The following TNFSF4 variants were observed in gnomAD, a reference collection of about 807,000 sequenced individuals.
TNFSF4 encodes tumor necrosis factor ligand superfamily member 4.
Under a neutral mutation model 7.3 loss-of-function variants are expected in TNFSF4, and 4 were observed. That is an observed-to-expected ratio of 0.55 (90% confidence interval 0.27 to 1.25). The LOEUF (loss-of-function observed/expected upper bound fraction) is 1.25. TNFSF4 is among the 50% of genes most tolerant of loss of function. The pLI is 0.12. For synonymous variants in TNFSF4, 76 were observed against 83.7 expected (o/e 0.91, Z 0.50); for missense variants, 181 against 208.8 (o/e 0.87, Z 0.82).
chr1:173,193,107 C>A (rs567284633), intron 1 of TNFSF4, among the ~76,000 whole-genome samples: 1 of 152,126 alleles, frequency 6.6e-6, no homozygotes, highest in East Asian at 1.9e-4. Context: ...CTCAGAGAAA[C>A]AATACAAAAG....
At chr1:173,394,539 C>G in the TNFSF4 span, among the ~76,000 whole-genome samples, 1 of 152,288 alleles carries the variant, frequency 6.6e-6, no homozygotes, top group African/African-American at 2.4e-5. Flanking sequence ...GCGTTTGAAT[C>G]TGTGGACTAA....
the TNFSF4 span, among the ~76,000 whole-genome samples, chr1:173,446,749 C>G: frequency 1.3e-5 from 2 of 152,168 alleles, no homozygotes; most frequent in Non-Finnish European, 2.9e-5. Flanking sequence ...ACAATAAATT[C>G]CAAGTTCTTC....
the TNFSF4 span, among the ~76,000 whole-genome samples, chr1:173,324,205 T>A: frequency 6.6e-6 from 1 of 152,274 alleles, no homozygotes; most frequent in Non-Finnish European, 1.5e-5. Flanking sequence ...GGGGGGCCAA[T>A]ATTCAACATT....
At chr1:173,427,251 C>G in the TNFSF4 span, among the ~76,000 whole-genome samples, 1 of 152,096 alleles carries the variant, frequency 6.6e-6, no homozygotes, top group Admixed American at 6.5e-5. Flanking sequence ...TAGTCTACAG[C>G]TGTGGTTCTC....
At chr1:173,286,748 T>A in the TNFSF4 span, among the ~76,000 whole-genome samples, 1 of 152,174 alleles carries the variant, frequency 6.6e-6, no homozygotes, top group South Asian at 2.1e-4. Context: ...TATATTGGAC[T>A]TTCTTAAAAT....
downstream of TNFSF4, among the ~76,000 whole-genome samples, chr1:173,183,537 C>A (rs1477552296): frequency 6.6e-6 from 1 of 152,174 alleles, no homozygotes; most frequent in East Asian, 1.9e-4. Context: ...ACTCTAAGGA[C>A]CTCCAGTGAG....
chr1:173,427,552 G>C, the TNFSF4 span, among the ~76,000 whole-genome samples: 4 of 152,132 alleles, frequency 2.6e-5, no homozygotes, highest in Non-Finnish European at 4.4e-5. Flanking sequence ...CGGGAAAAAA[G>C]AGAGACATGA....
the TNFSF4 span, among the ~76,000 whole-genome samples, chr1:173,316,718 T>C: frequency 5.3e-5 from 8 of 152,204 alleles, no homozygotes; most frequent in East Asian, 3.9e-4. Flanking sequence ...GTTTTTTTCA[T>C]TTTAAAATTT....
chr1:173,174,330 A>G, the TNFSF4 span: 1 of 151,924 alleles, frequency 6.6e-6, no homozygotes, highest in Non-Finnish European at 1.5e-5. Flanking sequence ...AGCCCTCCAA[A>G]CTGTTCCAAC....
At chr1:173,371,779 G>A in the TNFSF4 span, among the ~76,000 whole-genome samples, 1 of 152,162 alleles carries the variant, frequency 6.6e-6, no homozygotes, top group Non-Finnish European at 1.5e-5. Context: ...GAAGCAGAAT[G>A]GTTCACTGTT....
downstream of TNFSF4, among the ~76,000 whole-genome samples, chr1:173,181,872 G>C (rs1351259572): frequency 6.6e-6 from 1 of 152,174 alleles, no homozygotes; most frequent in African/African-American, 2.4e-5. Context: ...AGCTACAATG[G>C]CTAGTTACAA....
At chr1:173,283,383 G>C in the TNFSF4 span, among the ~76,000 whole-genome samples, 1 of 152,114 alleles carries the variant, frequency 6.6e-6, no homozygotes, top group Non-Finnish European at 1.5e-5. Flanking sequence ...GTTTTGATCA[G>C]TATTGCAGAT....
chr1:173,217,070 T>C, the TNFSF4 span, among the ~76,000 whole-genome samples: 1 of 152,148 alleles, frequency 6.6e-6, no homozygotes, highest in African/African-American at 2.4e-5. Flanking sequence ...CCACCTCCCG[T>C]CTGCTCCGGA....
chr1:173,263,569 A>G, the TNFSF4 span, among the ~76,000 whole-genome samples: 1 of 152,232 alleles, frequency 6.6e-6, no homozygotes, highest in Admixed American at 6.5e-5. Flanking sequence ...ACATTACAAA[A>G]TCATTCACTT....
At chr1:173,228,261 G>T in the TNFSF4 span, among the ~76,000 whole-genome samples, 1 of 152,210 alleles carries the variant, frequency 6.6e-6, no homozygotes, top group African/African-American at 2.4e-5. Flanking sequence ...AGCAACATTT[G>T]CTGTTCAGCA....
chr1:173,431,715 G>A, the TNFSF4 span, among the ~76,000 whole-genome samples: 7 of 152,168 alleles, frequency 4.6e-5, no homozygotes, highest in Non-Finnish European at 7.3e-5. Context: ...TCAGGGTCTC[G>A]CAAGGCATGG....
intron 1 of TNFSF4, among the ~76,000 whole-genome samples, chr1:173,192,729 G>A (rs1649538076): frequency 6.6e-6 from 1 of 152,226 alleles, no homozygotes; most frequent in Non-Finnish European, 1.5e-5. Flanking sequence ...TACTGCCAGT[G>A]AATACAAGTC....
At chr1:173,289,443 C>T in the TNFSF4 span, among the ~76,000 whole-genome samples, 1 of 152,232 alleles carries the variant, frequency 6.6e-6, no homozygotes, top group African/African-American at 2.4e-5. Context: ...CAGAATTTTT[C>T]CAACACTCTT....
At chr1:173,332,645 G>A in the TNFSF4 span, among the ~76,000 whole-genome samples, 1 of 152,124 alleles carries the variant, frequency 6.6e-6, no homozygotes, top group Non-Finnish European at 1.5e-5. Context: ...CACGAGGTCA[G>A]GAGTTCAAGA....
Sources: allele counts gnomAD v4.1 joint callset (sites outside exome capture counted in the v4.1 genomes callset), GRCh38; gene constraint gnomAD v4.1.1; transcripts MANE v1.5; gene names NCBI Gene and HGNC (gene_info 2026-07-23, HGNC 2026-07-21).